Variants in ZNF730 observed in about 807,000 individuals in gnomAD.
ZNF730 encodes the protein putative zinc finger protein 730.
ZNF730 carries 12 observed loss-of-function variants against 12.6 expected under a neutral mutation model. That is an observed-to-expected ratio of 0.95 (90% CI 0.61 to 1.54). ZNF730 has a LOEUF of 1.54. Ranked by LOEUF, ZNF730 falls within the 40% of genes most tolerant of loss-of-function variation. The pLI is 0.00. For synonymous variants in ZNF730, 194 were observed against 195.8 expected, an observed-to-expected ratio of 0.99 and a Z score of 0.08; for missense variants, 643 against 583.5, an observed-to-expected ratio of 1.10 and a Z score of -1.05.
chr19:23,087,618 CTTTT>C (rs555576971), intron 1 of ZNF730, among the ~76,000 whole-genome samples: 1 of 135,774 alleles, frequency 7.4e-6, no homozygotes. Context: ...TCTTTTCTTG[CTTTT>C]TTTTTTTTTT....
chr19:23,134,317 T>TC, intron 2 of ZNF730, 111 bp downstream of exon 2: 4 of 994,536 alleles, frequency 4.0e-6, no homozygotes, highest in Non-Finnish European at 5.7e-6. Context: ...TTTTTCTTTT[T>TC]TTTTTTAAGT....
upstream of ZNF730, among the ~76,000 whole-genome samples, chr19:23,115,979 T>C (rs1197907416): frequency 6.6e-6 from 1 of 152,226 alleles, no homozygotes; most frequent in Non-Finnish European, 1.5e-5. Context: ...TTTCCCCTGA[T>C]TTAAAGTTAG....
chr19:23,144,953 G>T (rs1970981454), intron 3 of ZNF730, among the ~76,000 whole-genome samples: 1 of 152,164 alleles, frequency 6.6e-6, no homozygotes, highest in Non-Finnish European at 1.5e-5. Flanking sequence ...GAAACCAAGA[G>T]TTGGTAATTT....
intron 1 of ZNF730, among the ~76,000 whole-genome samples, chr19:23,107,646 G>A (rs1490122851): frequency 6.6e-6 from 1 of 152,044 alleles, no homozygotes; most frequent in Non-Finnish European, 1.5e-5. Flanking sequence ...AGCTTTGCAT[G>A]AATTAATGAT....
At chr19:23,097,430 C>T (rs762929882) in intron 1 of ZNF730, among the ~76,000 whole-genome samples, 4 of 152,040 alleles carry the variant, frequency 2.6e-5, no homozygotes, top group African/African-American at 9.7e-5. Context: ...TAACTCTTCT[C>T]GTCTTCATAC....
At chr19:23,109,627 C>G (rs1970438290) in intron 1 of ZNF730, among the ~76,000 whole-genome samples, 1 of 151,974 alleles carries the variant, frequency 6.6e-6, no homozygotes, top group African/African-American at 2.4e-5. Flanking sequence ...GTTTTGAACT[C>G]CTGACCTGAC....
At chr19:23,133,553 G>A (rs1056457198) in intron 1 of ZNF730, among the ~76,000 whole-genome samples, 1 of 152,104 alleles carries the variant, frequency 6.6e-6, no homozygotes, top group African/African-American at 2.4e-5. Flanking sequence ...TGTTGGTCAG[G>A]CTGGTCCCGA....
intron 1 of ZNF730, among the ~76,000 whole-genome samples, chr19:23,082,626 C>T (rs367994646): frequency 1.1e-3 from 174 of 152,204 alleles, no homozygotes; most frequent in African/African-American, 4.0e-3. Flanking sequence ...GGATTACAGG[C>T]GTGAGCCACA....
intron 1 of ZNF730, among the ~76,000 whole-genome samples, chr19:23,110,379 C>T (rs375797704): frequency 2.0e-3 from 286 of 144,818 alleles, no homozygotes; most frequent in African/African-American, 6.5e-3. Context: ...CAGGTTCAAG[C>T]GATTCTCCTG....
At chr19:23,091,894 G>T (rs969754353) in intron 1 of ZNF730, among the ~76,000 whole-genome samples, 1 of 152,166 alleles carries the variant, frequency 6.6e-6, no homozygotes, top group African/African-American at 2.4e-5. Context: ...TGTTGGGGAA[G>T]CATGATTGGA....
At chr19:23,118,466 C>T (rs1348767570) in intron 1 of ZNF730, among the ~76,000 whole-genome samples, 9 of 150,934 alleles carry the variant, frequency 6.0e-5, no homozygotes, top group Non-Finnish European at 1.2e-4. Context: ...TGTGAATAAA[C>T]CAGGGTACAC....
At chr19:23,118,346 T>C (rs1204831018) in intron 1 of ZNF730, among the ~76,000 whole-genome samples, 1 of 150,988 alleles carries the variant, frequency 6.6e-6, no homozygotes, top group East Asian at 1.9e-4. Context: ...GAAAGTGTTT[T>C]GGGGTCAAGT....
At chr19:23,119,154 A>C (rs1970568329) in intron 1 of ZNF730, among the ~76,000 whole-genome samples, 1 of 152,190 alleles carries the variant, frequency 6.6e-6, no homozygotes, top group African/African-American at 2.4e-5. Context: ...GCTTGTGTCC[A>C]TTCAGTATGT....
intron 1 of ZNF730, among the ~76,000 whole-genome samples, chr19:23,085,931 C>G (rs7252781): frequency 0.011 from 1,652 of 149,178 alleles, 16 homozygotes; most frequent in Non-Finnish European, 0.017. Context: ...CTGCAGCCTC[C>G]GCCTCCCAGG....
At chr19:23,115,003 C>T (rs1004272367), upstream of ZNF730, among the ~76,000 whole-genome samples, 2 of 152,134 alleles carry the variant, frequency 1.3e-5, no homozygotes, top group African/African-American at 4.8e-5. Context: ...TGTGTTTGAA[C>T]TGCTGAGCTC....
chr19:23,112,735 GAA>G (rs35045584), upstream of ZNF730, among the ~76,000 whole-genome samples: 77 of 140,396 alleles, frequency 5.5e-4, no homozygotes, highest in Middle Eastern at 3.7e-3. Flanking sequence ...AAAAATAGAA[GAA>G]AAAAAAAAAA....
chr19:23,134,484 G>T (rs1275926904), intron 2 of ZNF730, among the ~76,000 whole-genome samples: 2 of 146,618 alleles, frequency 1.4e-5, no homozygotes, highest in Admixed American at 6.7e-5. Flanking sequence ...GGGGGGGCCA[G>T]CCCCCCGCCC....
intron 1 of ZNF730, among the ~76,000 whole-genome samples, chr19:23,131,940 C>T (rs73557569): frequency 0.015 from 2,323 of 152,288 alleles, 57 homozygotes; most frequent in African/African-American, 0.052. Context: ...AGTTAAGTCT[C>T]ATCTTTGCAC....
At chr19:23,138,852 C>G (rs1970871928) in intron 3 of ZNF730, among the ~76,000 whole-genome samples, 1 of 152,112 alleles carries the variant, frequency 6.6e-6, no homozygotes, top group South Asian at 2.1e-4. Context: ...AGGTTTGAGC[C>G]ATGATGCCTG....
Sources: allele counts gnomAD v4.1 joint callset (sites outside exome capture counted in the v4.1 genomes callset), GRCh38; gene constraint gnomAD v4.1.1; transcripts MANE v1.5; gene names NCBI Gene and HGNC (gene_info 2026-07-23, HGNC 2026-07-21).